The following NDST4 variants were observed in gnomAD, a reference collection of about 807,000 sequenced individuals.
NDST4 encodes N-deacetylase and N-sulfotransferase 4.
Under a neutral mutation model 100.8 loss-of-function variants are expected in NDST4, and 63 were observed. That is an observed-to-expected ratio of 0.62 (90% CI 0.51 to 0.77). NDST4 has a LOEUF of 0.77. Ranked by LOEUF, NDST4 falls within the 30% of genes least tolerant of loss-of-function variation. NDST4 has a pLI of 0.00. For synonymous variants in NDST4, 377 were observed against 361.8 expected, an observed-to-expected ratio of 1.04 and a Z score of -0.48; for missense variants, 943 against 1,018.4, an observed-to-expected ratio of 0.93 and a Z score of 1.01.
chr4:114,880,033 G>A (rs1256133823), intron 6 of NDST4, among the ~76,000 whole-genome samples: 1 of 151,570 alleles, frequency 6.6e-6, no homozygotes, highest in African/African-American at 2.4e-5. Flanking sequence ...TGTAAACACC[G>A]ACCTTCCTCA....
chr4:115,094,805 G>T (rs116087456), intron 1 of NDST4, among the ~76,000 whole-genome samples: 1,546 of 152,200 alleles, frequency 0.01, 13 homozygotes, highest in Admixed American at 0.018. Context: ...ACTACCAGAA[G>T]CCAGAAGAGA....
At chr4:115,030,527 G>T (rs1728092302) in intron 2 of NDST4, among the ~76,000 whole-genome samples, 1 of 152,036 alleles carries the variant, frequency 6.6e-6, no homozygotes, top group African/African-American at 2.4e-5. Flanking sequence ...TTATCTAACA[G>T]AGAAAGAAGG....
chr4:115,095,164 G>A (rs1325656976), intron 1 of NDST4, among the ~76,000 whole-genome samples: 1 of 151,870 alleles, frequency 6.6e-6, no homozygotes, highest in Non-Finnish European at 1.5e-5. Context: ...TCAAACAGGA[G>A]CCTCACAACT....
intron 2 of NDST4, among the ~76,000 whole-genome samples, chr4:115,013,759 G>A (rs1727612634): frequency 6.6e-6 from 1 of 151,844 alleles, no homozygotes; most frequent in African/African-American, 2.4e-5. Flanking sequence ...TCCCTATATT[G>A]GTTTCATAAC....
intron 6 of NDST4, among the ~76,000 whole-genome samples, chr4:114,891,039 A>C (rs1447739427): frequency 2.0e-5 from 3 of 152,044 alleles, no homozygotes; most frequent in African/African-American, 7.2e-5. Context: ...TTTGAAAGTC[A>C]CTAATGACTT....
At chr4:115,078,761 A>G (rs921501736) in intron 1 of NDST4, among the ~76,000 whole-genome samples, 7 of 151,848 alleles carry the variant, frequency 4.6e-5, no homozygotes, top group Admixed American at 6.6e-5. Flanking sequence ...AATTGCTTGA[A>G]CCCGGGAGGC....
intron 10 of NDST4, among the ~76,000 whole-genome samples, chr4:114,845,128 A>C (rs1723516880): frequency 6.6e-6 from 1 of 152,066 alleles, no homozygotes; most frequent in African/African-American, 2.4e-5. Flanking sequence ...CCGGGAGTTC[A>C]AGACCAGCCT....
intron 6 of NDST4, among the ~76,000 whole-genome samples, chr4:114,879,871 T>A (rs1724329755): frequency 6.6e-6 from 1 of 152,210 alleles, no homozygotes; most frequent in Non-Finnish European, 1.5e-5. Context: ...TTACATTTTT[T>A]ATTTGTGTTT....
chr4:114,843,171 T>A (rs1040850572), intron 10 of NDST4, among the ~76,000 whole-genome samples: 10 of 152,210 alleles, frequency 6.6e-5, no homozygotes, highest in Non-Finnish European at 1.5e-4. Flanking sequence ...TTCTTTTGTA[T>A]ACATATTTCG....
chr4:114,865,617 C>T (rs1198343659), intron 7 of NDST4, among the ~76,000 whole-genome samples: 2 of 152,124 alleles, frequency 1.3e-5, no homozygotes, highest in African/African-American at 4.8e-5. Flanking sequence ...GGATTAAATG[C>T]TCAAATATAT....
intron 6 of NDST4, among the ~76,000 whole-genome samples, chr4:114,919,080 G>T (rs1725236805): frequency 6.6e-6 from 1 of 152,114 alleles, no homozygotes; most frequent in Admixed American, 6.5e-5. Context: ...GATCTCATTT[G>T]CATATTAAAT....
chr4:114,935,539 T>C (rs568785000), intron 5 of NDST4, among the ~76,000 whole-genome samples: 1 of 152,206 alleles, frequency 6.6e-6, no homozygotes, highest in East Asian at 1.9e-4. Context: ...ATAAAAAATA[T>C]AGGTTAAATA....
chr4:115,059,356 CA>C (rs1560584200), intron 2 of NDST4, among the ~76,000 whole-genome samples: 1 of 152,034 alleles, frequency 6.6e-6, no homozygotes, highest in Non-Finnish European at 1.5e-5. Context: ...TGTAGACATG[CA>C]AAATATCTCC....
At chr4:115,066,577 C>G (rs763349415) in intron 2 of NDST4, among the ~76,000 whole-genome samples, 15 of 152,134 alleles carry the variant, frequency 9.9e-5, no homozygotes, top group Non-Finnish European at 2.1e-4. Context: ...AAGCAAAATT[C>G]TACTTACTAA....
chr4:115,100,047 AATAAT>A (rs1366828195), intron 1 of NDST4, among the ~76,000 whole-genome samples: 1 of 152,142 alleles, frequency 6.6e-6, no homozygotes, highest in African/African-American at 2.4e-5. Flanking sequence ...TAGTAAGTGA[AATAAT>A]CTAATCAGAA....
intron 2 of NDST4, among the ~76,000 whole-genome samples, chr4:115,015,232 G>A (rs6836286): frequency 0.45 from 67,955 of 151,940 alleles, 16,746 homozygotes; most frequent in Non-Finnish European, 0.58. Context: ...TGGCCTCATT[G>A]GAAAATATCT....
intron 6 of NDST4, among the ~76,000 whole-genome samples, chr4:114,930,020 T>G (rs904441788): frequency 1.3e-5 from 2 of 152,188 alleles, no homozygotes; most frequent in Non-Finnish European, 2.9e-5. Flanking sequence ...GAAAAGGGTA[T>G]GATGAAGTGA....
chr4:114,952,930 G>GTCAT (rs1726050107), intron 4 of NDST4, among the ~76,000 whole-genome samples: 1 of 151,436 alleles, frequency 6.6e-6, no homozygotes, highest in African/African-American at 2.4e-5. Context: ...CTATTCAAAT[G>GTCAT]TCATTCATTC....
chr4:115,029,467 T>A (rs71606738), intron 2 of NDST4, among the ~76,000 whole-genome samples: 3 of 152,096 alleles, frequency 2.0e-5, no homozygotes, highest in African/African-American at 4.8e-5. Flanking sequence ...CAGAAAAAAG[T>A]TTCTTGTCCT....
Sources: allele counts gnomAD v4.1 joint callset (sites outside exome capture counted in the v4.1 genomes callset), GRCh38; gene constraint gnomAD v4.1.1; transcripts MANE v1.5; gene names NCBI Gene and HGNC (gene_info 2026-07-23, HGNC 2026-07-21).